THSD7B: variants seen among roughly 807,000 people sequenced by gnomAD.
THSD7B encodes the protein thrombospondin type-1 domain-containing protein 7B.
A neutral mutation model predicts 213.6 loss-of-function variants in THSD7B; 138 were observed. The ratio of observed to expected loss-of-function variants is 0.65; its 90% CI spans 0.56 to 0.74. The LOEUF (loss-of-function observed/expected upper bound fraction) is 0.74. Ranked by LOEUF, THSD7B falls within the 30% of genes least tolerant of loss-of-function variation. The pLI is 0.00. For synonymous variants in THSD7B, 742 were observed against 687.0 expected (o/e 1.08, Z -1.25); for missense variants, 1,931 against 1,991.5 (o/e 0.97, Z 0.58).
intron 1 of THSD7B, among the ~76,000 whole-genome samples, chr2:136,855,368 C>G (rs1558827267): frequency 1.3e-5 from 2 of 152,092 alleles, no homozygotes; most frequent in Non-Finnish European, 2.9e-5. Flanking sequence ...AATATCCAAA[C>G]TACTTAACAT....
intron 15 of THSD7B, among the ~76,000 whole-genome samples, chr2:137,508,641 G>T (rs1345471587): frequency 2.0e-5 from 3 of 150,596 alleles, no homozygotes; most frequent in Non-Finnish European, 4.4e-5. Flanking sequence ...TGCCCGCCTC[G>T]GCCTTCCAAA....
At chr2:137,614,274 C>T in intron 17 of THSD7B, among the ~76,000 whole-genome samples, 1 of 152,146 alleles carries the variant, frequency 6.6e-6, no homozygotes, top group East Asian at 1.9e-4. Flanking sequence ...TATCAAATTT[C>T]ATCCCATCCC....
chr2:136,928,605 G>T (rs1161524676), intron 2 of THSD7B, among the ~76,000 whole-genome samples: 1 of 151,896 alleles, frequency 6.6e-6, no homozygotes, highest in Non-Finnish European at 1.5e-5. Context: ...AATTGCTTTT[G>T]GTTAATGATT....
chr2:136,969,694 G>A (rs1279890193), intron 2 of THSD7B, among the ~76,000 whole-genome samples: 1 of 152,136 alleles, frequency 6.6e-6, no homozygotes, highest in African/African-American at 2.4e-5. Context: ...GGGCACATTA[G>A]GCAGGAGATA....
chr2:137,432,003 A>G (rs1319672793), intron 14 of THSD7B, among the ~76,000 whole-genome samples: 4 of 152,040 alleles, frequency 2.6e-5, no homozygotes. Context: ...CAGCTGAACT[A>G]CTCTCAAATT....
chr2:137,418,556 A>C (rs1439346327), intron 14 of THSD7B, among the ~76,000 whole-genome samples: 1 of 152,228 alleles, frequency 6.6e-6, no homozygotes, highest in East Asian at 1.9e-4. Context: ...GAAACATTCA[A>C]ATTACTCTTC....
At chr2:137,215,348 A>G (rs971399550) in intron 7 of THSD7B, among the ~76,000 whole-genome samples, 2 of 152,122 alleles carry the variant, frequency 1.3e-5, no homozygotes, top group African/African-American at 2.4e-5. Flanking sequence ...TATCCAGGAT[A>G]CAAGCATTTT....
rs192267106 is a variant in THSD7B, at chr2:136,894,909, C to T, written c.139+12592C>T. 2.1e-4 allele frequency among the ~76,000 whole-genome samples: 32 copies of T among 152,182 alleles called. No individual in the cohort carries two copies. In the East Asian group the frequency reaches 5.2e-3, roughly 25 times the overall value. ...AATATTTTCCTCTGATATTTCCATT[C>T]ATAAAACTCTATTGTTTTCAAAGCA... On this transcript the variant is annotated intron_variant, in intron 2 of 27. Transcript: ENST00000409968.
At chr2:136,826,499 A>G (rs1682648457) in intron 1 of THSD7B, among the ~76,000 whole-genome samples, 1 of 152,226 alleles carries the variant, frequency 6.6e-6, no homozygotes, top group African/African-American at 2.4e-5. Flanking sequence ...CCCAAGGAAC[A>G]CTGGGAAAAG....
intron 12 of THSD7B, among the ~76,000 whole-genome samples, chr2:137,278,614 A>G (rs1682927459): frequency 6.6e-6 from 1 of 152,068 alleles, no homozygotes; most frequent in Non-Finnish European, 1.5e-5. Context: ...TGGCATTCCT[A>G]GGAAGAAAGG....
intron 10 of THSD7B, among the ~76,000 whole-genome samples, chr2:137,270,709 T>C (rs1031256736): frequency 6.6e-6 from 1 of 152,128 alleles, no homozygotes; most frequent in Non-Finnish European, 1.5e-5. Context: ...CCTTGGTGAC[T>C]GGTCTGATGG....
At chr2:137,487,374 CA>C (rs35759254) in intron 15 of THSD7B, among the ~76,000 whole-genome samples, 14 of 33,166 alleles carry the variant, frequency 4.2e-4, no homozygotes, top group Middle Eastern at 0.028. Context: ...GACTCCGTCT[CA>C]AAAAAAAAAA....
intron 1 of THSD7B, among the ~76,000 whole-genome samples, chr2:136,775,750 A>G (rs1030186952): frequency 6.6e-6 from 1 of 152,126 alleles, no homozygotes; most frequent in Non-Finnish European, 1.5e-5. Context: ...TAGAAATGCT[A>G]TATAAGCTGC....
intron 2 of THSD7B, among the ~76,000 whole-genome samples, chr2:136,982,206 T>C (rs1428476534): frequency 6.6e-6 from 1 of 152,230 alleles, no homozygotes; most frequent in Non-Finnish European, 1.5e-5. Context: ...TGGCCCCAAA[T>C]TTTAGATATT....
intron 15 of THSD7B, among the ~76,000 whole-genome samples, chr2:137,562,861 G>T (rs558958611): frequency 2.7e-4 from 41 of 152,132 alleles, no homozygotes; most frequent in African/African-American, 9.6e-4. Flanking sequence ...AAGTACATCT[G>T]AGAATACAAT....
At chr2:137,194,243 G>A (rs1374918895) in intron 7 of THSD7B, among the ~76,000 whole-genome samples, 7 of 152,210 alleles carry the variant, frequency 4.6e-5, no homozygotes, top group Non-Finnish European at 1.0e-4. Flanking sequence ...GAATGCAGGA[G>A]TTGCTGAGGG....
At chr2:136,828,373 A>T (rs1682694400) in intron 1 of THSD7B, among the ~76,000 whole-genome samples, 1 of 152,064 alleles carries the variant, frequency 6.6e-6, no homozygotes, top group Non-Finnish European at 1.5e-5. Flanking sequence ...AAATTTGGTC[A>T]TCTTGACTCT....
chr2:137,198,695 A>G (rs1220384566), intron 7 of THSD7B, among the ~76,000 whole-genome samples: 2 of 152,160 alleles, frequency 1.3e-5, no homozygotes, highest in Admixed American at 6.6e-5. Flanking sequence ...ATGGGAATAT[A>G]TATTCTGATT....
intron 25 of THSD7B, among the ~76,000 whole-genome samples, chr2:137,660,756 C>T (rs568222415): frequency 6.6e-6 from 1 of 152,096 alleles, no homozygotes; most frequent in Non-Finnish European, 1.5e-5. Context: ...TAAGCACATA[C>T]AAATTTGCTT....
Sources: gnomAD v4.1 joint callset for allele counts (sites outside exome capture counted in the v4.1 genomes callset) on GRCh38, gnomAD v4.1.1 for gene constraint, MANE v1.5 for transcripts, NCBI Gene and HGNC (gene_info 2026-07-23, HGNC 2026-07-21) for gene names.